Variants in WAPL observed in about 807,000 individuals in gnomAD.
The protein encoded by WAPL is WAPL cohesin release factor, also known as wings apart-like protein homolog.
Under a neutral mutation model 121.0 loss-of-function variants are expected in WAPL, and 5 were observed. That is an observed-to-expected ratio of 0.04 (90% CI 0.02 to 0.09). The LOEUF (loss-of-function observed/expected upper bound fraction) is 0.09, where lower values mean the gene tolerates loss of function less well. WAPL is among the 10% of genes least tolerant of loss of function. WAPL has a pLI of 1.00. For synonymous variants in WAPL, 480 were observed against 481.5 expected (o/e 1.00, Z 0.04); for missense variants, 999 against 1,410.8 (o/e 0.71, Z 4.68).
intron 2 of WAPL, among the ~76,000 whole-genome samples, chr10:86,507,423 ACC>A (rs1842373650): frequency 6.7e-6 from 1 of 149,726 alleles, no homozygotes; most frequent in Non-Finnish European, 1.5e-5. Context: ...TGTGCTAGTT[ACC>A]CTCTAATCTT....
At position 86,464,065 on chromosome 10, in the gene WAPL, T is replaced by C. The variant is rs148400215; in HGVS notation, c.2371-2778A>G. Among the ~76,000 whole-genome samples the C allele has an allele frequency of 8.5e-5, 13 of 152,360 alleles. No individual in the cohort carries two copies. The East Asian group carries it at 2.3e-3, about 27-fold the overall frequency. ...AAGCAAAGCATGACTATATTACTAT[T>C]TTAAATTATCTTTTCATGGCACATC... On this transcript the variant is annotated intron_variant, in intron 9 of 18. Transcript: ENST00000298767.
In WAPL at chr10:86,472,386, T is replaced by A; in HGVS notation, c.1894-42A>T. The A allele has an allele frequency of 6.3e-7, 1 of 1,576,036 alleles. No homozygotes were observed. Among genetic ancestry groups the A allele is most frequent in the Non-Finnish European group, 8.6e-7 (1 of 1,169,516 alleles). ...AGTTCACCCCTTTTTAACTAGGAAC[T>A]AGCATATTTAAATCTATGGGCTCAC... is the stretch of plus-strand genomic sequence containing the variant. On this transcript the variant is annotated intron_variant, in intron 6 of 18. Transcript: ENST00000298767. The surrounding 1 kb of genome is among the most constrained non-coding windows in gnomAD (Gnocchi z 4.2).
At chr10:86,443,565 TTA>T in intron 16 of WAPL, 1 of 481,960 alleles carries the variant, frequency 2.1e-6, no homozygotes, top group Admixed American at 3.7e-5. Flanking sequence ...CATAAAACTT[TTA>T]GTTAAAATTT....
At position 86,451,959 on chromosome 10, in the gene WAPL, T is replaced by C; in HGVS notation, c.3114+8A>G. The C allele has an allele frequency of 1.2e-6, 2 of 1,612,396 alleles. No individual in the cohort carries two copies. The highest frequency in any genetic ancestry group is 1.7e-6 in the Non-Finnish European group (2 of 1,179,470). On this transcript the variant is annotated splice_region_variant and intron_variant, in intron 15 of 18. Coordinates refer to ENST00000298767, the MANE Select transcript of WAPL (RefSeq NM_015045.5). ...AGTTATGAGTTTGTTTTTAAAGTGG[T>C]TGCTTACCTGCACTAAAGCCTGGAC...
chr10:86,521,302 C>G, intron 1 of WAPL, 63 bp downstream of exon 1: 1 of 251,812 alleles, frequency 4.0e-6, no homozygotes, highest in Non-Finnish European at 7.8e-6. Flanking sequence ...CGCTCCCAGC[C>G]TCTGCCTCCC....
intron 4 of WAPL, among the ~76,000 whole-genome samples, chr10:86,490,672 A>G (rs149123154): frequency 2.6e-5 from 4 of 152,362 alleles, no homozygotes; most frequent in Admixed American, 2.6e-4. Context: ...CAAAGAAATT[A>G]AAATTCACTC....
intron 4 of WAPL, among the ~76,000 whole-genome samples, chr10:86,494,932 G>A (rs1842122467): frequency 6.6e-6 from 1 of 152,080 alleles, no homozygotes; most frequent in African/African-American, 2.4e-5. Flanking sequence ...CAGTTTTCTA[G>A]AAATTCAAAG....
intron 9 of WAPL, 61 bp from the exon 10 acceptor site, chr10:86,461,348 TCTC>T: frequency 7.3e-7 from 1 of 1,375,868 alleles, no homozygotes; most frequent in Non-Finnish European, 1.0e-6. Flanking sequence ...AGAAATTGTT[TCTC>T]TTTACAAAAA....
chr10:86,450,529 C>T (rs1840951951), intron 15 of WAPL, among the ~76,000 whole-genome samples: 1 of 152,146 alleles, frequency 6.6e-6, no homozygotes, highest in Admixed American at 6.5e-5. Flanking sequence ...AGCTACCTTG[C>T]CCGGCCAAGA....
chr10:86,437,612 A>C lies in WAPL; in HGVS notation c.3508-4T>G, dbSNP rs763125327. On this transcript the variant is annotated splice_region_variant and splice_polypyrimidine_tract_variant and intron_variant, in intron 18 of 18. Coordinates refer to ENST00000298767, the MANE Select transcript of WAPL (RefSeq NM_015045.5). ...GGCCAGTTGTTCCAACAGCACACTG[A>C]AAGCAGGGTGAAGGGGAAAGGAAGT... The C allele has an allele frequency of 1.2e-6, 2 of 1,613,828 alleles. No homozygotes were observed. The highest frequency in any genetic ancestry group is 2.2e-5 in the South Asian group (2 of 90,990).
At chr10:86,468,350 A>C (rs1300412827) in intron 8 of WAPL, among the ~76,000 whole-genome samples, 7 of 152,022 alleles carry the variant, frequency 4.6e-5, no homozygotes, top group Admixed American at 2.6e-4. Flanking sequence ...GGCAGGCGCC[A>C]CCATGCCCAG....
At chr10:86,510,068 CTTTTTTTTTTTTT>C (rs11323475) in intron 2 of WAPL, among the ~76,000 whole-genome samples, 3 of 57,200 alleles carry the variant, frequency 5.2e-5, no homozygotes, top group East Asian at 6.9e-4. Flanking sequence ...TCCACCCGGC[CTTTTTTTTTTTTT>C]TTTTTTTTTT....
At chr10:86,455,180 G>A (rs1170619446) in intron 12 of WAPL, among the ~76,000 whole-genome samples, 1 of 152,218 alleles carries the variant, frequency 6.6e-6, no homozygotes. Context: ...ACCCCGTCTG[G>A]GAGGTGTACC....
chr10:86,510,077 T>A (rs1023920147), intron 2 of WAPL, among the ~76,000 whole-genome samples: 2 of 139,312 alleles, frequency 1.4e-5, no homozygotes, highest in African/African-American at 5.5e-5. Context: ...CCTTTTTTTT[T>A]TTTTTTTTTT....
intron 2 of WAPL, among the ~76,000 whole-genome samples, chr10:86,508,515 C>T (rs941480576): frequency 2.5e-4 from 38 of 150,308 alleles, no homozygotes; most frequent in Admixed American, 1.4e-3. Flanking sequence ...ACACTTGTTA[C>T]CCCCCATTTC....
In WAPL at chr10:86,452,800, G is replaced by A. The variant is rs546688424; in HGVS notation, c.2949+420C>T. ...CATACCTGTAATCCCACCACTTTGG[G>A]AGGCTGAGGCGGGCAGATCACTTGA... is the stretch of plus-strand genomic sequence containing the variant. On this transcript the variant is annotated intron_variant, in intron 14 of 18. Transcript: ENST00000298767. Among the ~76,000 whole-genome samples, 44 of 151,836 alleles carry A rather than the reference G, an allele frequency of 2.9e-4. 1 individual carries two copies. In the South Asian group the frequency reaches 9.2e-3, roughly 32 times the overall value.
intron 13 of WAPL, 86 bp from the exon 14 acceptor site, chr10:86,453,421 CT>C: frequency 2.1e-6 from 3 of 1,399,950 alleles, no homozygotes; most frequent in Non-Finnish European, 3.0e-6. Context: ...TGGATATTAA[CT>C]TAGAATTGTA....
At chr10:86,442,252 G>T (rs1035538186) in intron 17 of WAPL, among the ~76,000 whole-genome samples, 2 of 152,034 alleles carry the variant, frequency 1.3e-5, no homozygotes, top group African/African-American at 4.8e-5. Context: ...GGCTGGTCTC[G>T]AACTCCTAAC....
chr10:86,489,968 A>C (rs2132211672), intron 4 of WAPL, among the ~76,000 whole-genome samples: 1 of 151,406 alleles, frequency 6.6e-6, no homozygotes, highest in South Asian at 2.1e-4. Flanking sequence ...CAACTTTGGT[A>C]CTTTGGGAGG....
Sources: allele counts gnomAD v4.1 joint callset (sites outside exome capture counted in the v4.1 genomes callset), GRCh38; gene constraint gnomAD v4.1.1; non-coding constraint Gnocchi (gnomAD v3.1); transcripts MANE v1.5; gene names NCBI Gene and HGNC (gene_info 2026-07-23, HGNC 2026-07-21).